The following RGS8 variants were observed in gnomAD, a reference collection of about 807,000 sequenced individuals.
RGS8 encodes regulator of G-protein signaling 8.
RGS8 carries 8 observed loss-of-function variants against 21.7 expected under a neutral mutation model. The observed-to-expected ratio is 0.37, with a 90% CI of 0.22 to 0.66. The LOEUF is 0.66. Among genes scored for constraint, RGS8 ranks in the 30% least tolerant of loss-of-function variants. The pLI is 0.59. For missense variants in RGS8, 157 were observed against 217.9 expected (o/e 0.72, Z 1.76); for synonymous variants, 80 against 83.6 (o/e 0.96, Z 0.24).
chr1:182,701,548 G>A, the RGS8 span, among the ~76,000 whole-genome samples: 4 of 152,266 alleles, frequency 2.6e-5, no homozygotes, highest in African/African-American at 9.6e-5. Context: ...CATAAAGGAG[G>A]TTCTTACACC....
the RGS8 span, among the ~76,000 whole-genome samples, chr1:182,736,077 A>G: frequency 6.6e-6 from 1 of 152,196 alleles, no homozygotes; most frequent in Non-Finnish European, 1.5e-5. Flanking sequence ...CTTTTTTACA[A>G]CAATACATTG....
chr1:182,646,485 C>T, exon 7 of RGS8: 1 of 452,340 alleles, frequency 2.2e-6, no homozygotes, highest in South Asian at 3.8e-5. Flanking sequence ...GGGCAAGTTG[C>T]TGACCCAGAA....
the RGS8 span, among the ~76,000 whole-genome samples, chr1:182,741,547 G>C: frequency 8.3e-6 from 1 of 121,006 alleles, no homozygotes. Context: ...CGGGCAGAGG[G>C]GCTCCTCACT....
the RGS8 span, among the ~76,000 whole-genome samples, chr1:182,702,293 C>T: frequency 3.3e-5 from 5 of 152,206 alleles, no homozygotes; most frequent in Non-Finnish European, 5.9e-5. Flanking sequence ...TAATCCTAAG[C>T]GAATTAACCC....
intron 1 of RGS8, among the ~76,000 whole-genome samples, chr1:182,680,793 T>C (rs1664512057): frequency 6.6e-6 from 1 of 152,076 alleles, no homozygotes; most frequent in Non-Finnish European, 1.5e-5. Context: ...AGGAAAAGGC[T>C]CAGTTAATGT....
exon 1 of RGS8, chr1:182,671,917 T>C: frequency 6.9e-7 from 1 of 1,454,822 alleles, no homozygotes; most frequent in East Asian, 2.5e-5. Flanking sequence ...TCACATCCAG[T>C]AAATACTGAA....
At chr1:182,690,796 T>C in the RGS8 span, among the ~76,000 whole-genome samples, 2 of 152,216 alleles carry the variant, frequency 1.3e-5, no homozygotes, top group Non-Finnish European at 2.9e-5. Context: ...GACCTCTCTA[T>C]CCATTACACG....
chr1:182,717,697 C>T, the RGS8 span, among the ~76,000 whole-genome samples: 1 of 152,150 alleles, frequency 6.6e-6, no homozygotes, highest in African/African-American at 2.4e-5. Flanking sequence ...CTAACACCTT[C>T]TAAAATTACA....
At chr1:182,722,835 G>A in the RGS8 span, among the ~76,000 whole-genome samples, 11 of 151,890 alleles carry the variant, frequency 7.2e-5, no homozygotes, top group Non-Finnish European at 1.2e-4. Flanking sequence ...AAAATTAGCC[G>A]GGCTTGGTTG....
At chr1:182,702,294 G>A in the RGS8 span, among the ~76,000 whole-genome samples, 5 of 152,126 alleles carry the variant, frequency 3.3e-5, no homozygotes, top group Non-Finnish European at 7.3e-5. Context: ...AATCCTAAGC[G>A]AATTAACCCA....
chr1:182,713,922 T>C, the RGS8 span, among the ~76,000 whole-genome samples: 1 of 152,224 alleles, frequency 6.6e-6, no homozygotes, highest in Non-Finnish European at 1.5e-5. Flanking sequence ...ACAAGAAAAG[T>C]AGAAGTACAC....
chr1:182,679,472 C>T (rs1049213040), intron 1 of RGS8, among the ~76,000 whole-genome samples: 19 of 152,240 alleles, frequency 1.2e-4, no homozygotes, highest in African/African-American at 4.3e-4. Flanking sequence ...GGCTCCTCCT[C>T]CTCTGTCCAC....
At chr1:182,689,304 CACCCCA>C (rs1557906974), upstream of RGS8, among the ~76,000 whole-genome samples, 1 of 140,514 alleles carries the variant, frequency 7.1e-6, no homozygotes, top group Non-Finnish European at 1.6e-5. Context: ...CACACACACA[CACCCCA>C]CAAGTGAATA....
the RGS8 span, among the ~76,000 whole-genome samples, chr1:182,698,945 A>T: frequency 6.6e-6 from 1 of 152,374 alleles, no homozygotes; most frequent in South Asian, 2.1e-4. Context: ...ACATATATTC[A>T]GCACGTCTGT....
the RGS8 span, among the ~76,000 whole-genome samples, chr1:182,708,068 A>G: frequency 6.6e-6 from 1 of 152,194 alleles, no homozygotes; most frequent in African/African-American, 2.4e-5. Context: ...TGTATAGATG[A>G]TAAAACTAAA....
intron 5 of RGS8, among the ~76,000 whole-genome samples, chr1:182,654,614 T>C (rs1663176635): frequency 6.6e-6 from 1 of 152,154 alleles, no homozygotes; most frequent in South Asian, 2.1e-4. Context: ...AAATAATCAA[T>C]TGAGTAATTA....
chr1:182,650,523 CA>C (rs978339036), intron 5 of RGS8, among the ~76,000 whole-genome samples: 2 of 152,116 alleles, frequency 1.3e-5, no homozygotes, highest in Admixed American at 1.3e-4. Context: ...AGCTTGAAGT[CA>C]CAAGGAGATT....
the RGS8 span, among the ~76,000 whole-genome samples, chr1:182,726,588 T>A: frequency 1.1e-3 from 173 of 152,026 alleles, no homozygotes; most frequent in Non-Finnish European, 1.6e-3. Context: ...GAGAATCGCT[T>A]GAACCCGAGA....
the RGS8 span, among the ~76,000 whole-genome samples, chr1:182,725,517 C>T: frequency 6.5e-3 from 993 of 152,194 alleles, 8 homozygotes; most frequent in Middle Eastern, 0.014. Flanking sequence ...AAAGAACACA[C>T]GAGATGGGGA....
Sources: allele counts gnomAD v4.1 joint callset (sites outside exome capture counted in the v4.1 genomes callset), GRCh38; gene constraint gnomAD v4.1.1; transcripts MANE v1.5; gene names NCBI Gene and HGNC (gene_info 2026-07-23, HGNC 2026-07-21).